The following ABL1 variants were observed in gnomAD, a reference collection of about 807,000 sequenced individuals.
The protein encoded by ABL1 is ABL proto-oncogene 1, non-receptor tyrosine kinase.
In ABL1, 11 loss-of-function variants were observed where a neutral mutation model predicts 94.7. The observed-to-expected ratio is 0.12, with a 90% CI of 0.07 to 0.19. ABL1 has a LOEUF of 0.19. Among genes scored for constraint, ABL1 ranks in the 10% least tolerant of loss-of-function variants. ABL1 has a pLI of 1.00. For synonymous variants in ABL1, 656 were observed against 622.4 expected, an observed-to-expected ratio of 1.05 and a Z score of -0.80; for missense variants, 1,082 against 1,489.4, an observed-to-expected ratio of 0.73 and a Z score of 4.50.
chr9:130,787,124 C>T (rs1829837730), intron 1 of ABL1, among the ~76,000 whole-genome samples: 2 of 152,138 alleles, frequency 1.3e-5, no homozygotes, highest in South Asian at 2.1e-4. Context: ...CATAATACAC[C>T]TTTTCCCATC....
At position 130,880,458 on chromosome 9, in the gene ABL1, A is replaced by G. The variant is rs781602355; in HGVS notation, c.1514-42A>G. On this transcript the variant is annotated intron_variant, in intron 9 of 10. Coordinates refer to ENST00000318560, the MANE Select transcript of ABL1 (RefSeq NM_005157.6). This position sits in a 1 kb window ranked among gnomAD's most constrained non-coding sequence, Gnocchi z 4.4. ...CCACACCAAGCCAACACCAGTACTGATGGCTGCTGGATTTTTGTTTCTGTC... is the reference window on the plus strand; with the variant it reads ...CCACACCAAGCCAACACCAGTACTGGTGGCTGCTGGATTTTTGTTTCTGTC... 3.7e-6 allele frequency: 6 copies of G among 1,609,848 alleles called. No homozygotes were observed. The highest frequency in any genetic ancestry group is 1.1e-5 in the South Asian group (1 of 90,820).
chr9:130,818,749 A>C (rs912601827), intron 1 of ABL1, among the ~76,000 whole-genome samples: 3 of 152,228 alleles, frequency 2.0e-5, no homozygotes, highest in Admixed American at 6.5e-5. Context: ...TTTTCATTAA[A>C]TTGCCCTTTC....
chr9:130,763,458 G>A (rs1384185635), intron 1 of ABL1, among the ~76,000 whole-genome samples: 1 of 152,144 alleles, frequency 6.6e-6, no homozygotes, highest in African/African-American at 2.4e-5. Flanking sequence ...CTTGAGGTCT[G>A]TTAGATCAGG....
At chr9:130,864,905 C>T (rs1831131122) in intron 4 of ABL1, among the ~76,000 whole-genome samples, 1 of 152,146 alleles carries the variant, frequency 6.6e-6, no homozygotes, top group Non-Finnish European at 1.5e-5. Context: ...GCGCAAAATA[C>T]CCTAGATTTC....
intron 1 of ABL1, among the ~76,000 whole-genome samples, chr9:130,850,932 G>T (rs796489932): frequency 1.3e-5 from 2 of 151,420 alleles, no homozygotes; most frequent in Non-Finnish European, 2.9e-5. Flanking sequence ...TTGTTTGTTT[G>T]TTTGTTTTTT....
chr9:130,779,552 T>G lies in ABL1; in HGVS notation c.136+65097T>G, dbSNP rs1406242142. Among the ~76,000 whole-genome samples, 3 of 152,180 alleles carry G rather than the reference T, an allele frequency of 2.0e-5. No individual in the cohort carries two copies. The East Asian group carries it at 5.8e-4, about 29-fold the overall frequency. On this transcript the variant is annotated intron_variant, in intron 1 of 10. Coordinates refer to the ABL1 transcript ENST00000372348. The stretch of plus-strand genomic sequence containing the variant: ...CCCAACGCTAAAGACCTCATACTGT[T>G]TAGTCCTCTATACATTTAGCCCTTT...
chr9:130,822,602 G>A (rs1281242694), intron 1 of ABL1, among the ~76,000 whole-genome samples: 6 of 151,880 alleles, frequency 4.0e-5, no homozygotes, highest in Admixed American at 3.3e-4. Context: ...ATTGGAATGG[G>A]TGTGAAGCAG....
intron 1 of ABL1, among the ~76,000 whole-genome samples, chr9:130,732,592 C>G (rs1190935814): frequency 6.6e-6 from 1 of 152,148 alleles, no homozygotes. Context: ...TTATTCCTTT[C>G]TCCAGGTTTC....
At chr9:130,826,358 C>T (rs1830424069) in intron 1 of ABL1, among the ~76,000 whole-genome samples, 1 of 152,034 alleles carries the variant, frequency 6.6e-6, no homozygotes. Flanking sequence ...TGAGCTCAAA[C>T]GATCTACCTG....
intron 1 of ABL1, among the ~76,000 whole-genome samples, chr9:130,801,323 G>T (rs1037147349): frequency 2.6e-5 from 4 of 152,168 alleles, no homozygotes; most frequent in Admixed American, 2.6e-4. Flanking sequence ...CACCTCCTGG[G>T]TTCAAGCGAG....
Position 130,718,810 on chromosome 9 carries a change from A to T in ABL1, c.136+4355A>T, listed in dbSNP as rs536646223. 9.9e-5 allele frequency among the ~76,000 whole-genome samples: 15 copies of T among 152,150 alleles called. No homozygotes were observed. In the East Asian group the frequency reaches 2.9e-3, roughly 29 times the overall value. ...GGTGGGAGGGTCACTTGAGCTCGGGAGGCCAATGCTGCAGTGAGCCATGAT... is the reference window on the plus strand; with the variant it reads ...GGTGGGAGGGTCACTTGAGCTCGGGTGGCCAATGCTGCAGTGAGCCATGAT... On this transcript the variant is annotated intron_variant, in intron 1 of 10. Transcript: ENST00000372348.
upstream of ABL1, chr9:130,834,776 A>T: frequency 2.3e-6 from 1 of 435,536 alleles, no homozygotes; most frequent in Non-Finnish European, 4.7e-6. Flanking sequence ...CTTCCTCCCC[A>T]GACACCCACT....
intron 1 of ABL1, among the ~76,000 whole-genome samples, chr9:130,851,080 C>T (rs111350138): frequency 2.6e-5 from 4 of 152,098 alleles, no homozygotes; most frequent in African/African-American, 7.2e-5. Flanking sequence ...CCCGCCACCA[C>T]GCCCAGCTAA....
At chr9:130,733,353 A>G (rs1831690379) in intron 1 of ABL1, among the ~76,000 whole-genome samples, 1 of 152,186 alleles carries the variant, frequency 6.6e-6, no homozygotes, top group African/African-American at 2.4e-5. Flanking sequence ...CTTCAGTATC[A>G]TATAGTAATT....
intron 1 of ABL1, among the ~76,000 whole-genome samples, chr9:130,720,435 A>T (rs1343170279): frequency 6.6e-6 from 1 of 152,192 alleles, no homozygotes; most frequent in Non-Finnish European, 1.5e-5. Flanking sequence ...GGGAACCAGG[A>T]TGCAGAAACC....
At chr9:130,805,419 CCTT>C (rs1306145229) in intron 1 of ABL1, among the ~76,000 whole-genome samples, 20 of 152,320 alleles carry the variant, frequency 1.3e-4, no homozygotes, top group Middle Eastern at 3.4e-3. Flanking sequence ...TATGAATAAA[CCTT>C]CTACAATCAC....
intron 1 of ABL1, among the ~76,000 whole-genome samples, chr9:130,802,095 C>CTTTTTTTTT (rs3085157): frequency 0.061 from 7,975 of 131,174 alleles, 451 homozygotes; most frequent in African/African-American, 0.12. Context: ...TTCCTTCAGT[C>CTTTTTTTTT]TTTTTTTTTT....
At chr9:130,840,266 T>C (rs79697014) in intron 1 of ABL1, among the ~76,000 whole-genome samples, 2,347 of 152,326 alleles carry the variant, frequency 0.015, 16 homozygotes, top group Non-Finnish European at 0.023. Flanking sequence ...CTGTCCTTGA[T>C]TTTTGGCTGA....
intron 1 of ABL1, among the ~76,000 whole-genome samples, chr9:130,849,529 T>G (rs3847192): frequency 0.17 from 23,407 of 136,932 alleles, 1,943 homozygotes; most frequent in African/African-American, 0.31. Context: ...ATTTTTTTTG[T>G]TTTTTTTTGA....
Sources: gnomAD v4.1 joint callset for allele counts (sites outside exome capture counted in the v4.1 genomes callset) on GRCh38, gnomAD v4.1.1 for gene constraint, Gnocchi (gnomAD v3.1) non-coding constraint, MANE v1.5 for transcripts, NCBI Gene and HGNC (gene_info 2026-07-23, HGNC 2026-07-21) for gene names.